Variants in KIF21A observed in about 807,000 individuals in gnomAD.
KIF21A encodes kinesin-like protein KIF21A.
KIF21A carries 114 observed loss-of-function variants against 202.9 expected under a neutral mutation model. The observed-to-expected ratio is 0.56, with a 90% CI of 0.48 to 0.66. The LOEUF (loss-of-function observed/expected upper bound fraction) is 0.66. Among genes scored for constraint, KIF21A ranks in the 30% least tolerant of loss-of-function variants. The pLI, the probability that KIF21A is intolerant of heterozygous loss-of-function variation, is 0.00. For missense variants in KIF21A, 1,677 were observed against 1,994.9 expected, an observed-to-expected ratio of 0.84 and a Z score of 3.04; for synonymous variants, 667 against 670.8, an observed-to-expected ratio of 0.99 and a Z score of 0.09.
chr12:39,325,216 T>G (rs1324630438), intron 26 of KIF21A, among the ~76,000 whole-genome samples: 11 of 152,126 alleles, frequency 7.2e-5, no homozygotes, highest in Admixed American at 7.2e-4. Context: ...TGAGATTGTA[T>G]GCCACTACAG....
chr12:39,331,879 G>T (rs1946538533), intron 21 of KIF21A, 88 bp from the exon 22 acceptor site: 1 of 1,006,356 alleles, frequency 9.9e-7, no homozygotes, highest in East Asian at 2.4e-5. Flanking sequence ...TTATTTCCTA[G>T]TATTGGGTTA....
At chr12:39,418,197 A>G (rs1953940615) in intron 1 of KIF21A, among the ~76,000 whole-genome samples, 1 of 152,080 alleles carries the variant, frequency 6.6e-6, no homozygotes, top group Non-Finnish European at 1.5e-5. Flanking sequence ...CTGACTAAAA[A>G]AAAAAAAAAA....
At position 39,293,839 on chromosome 12, in the gene KIF21A, C is replaced by G. The variant is rs1942054079; in HGVS notation, c.*585G>C. On this transcript the variant is annotated 3_prime_UTR_variant, in exon 38 of 38. Transcript: ENST00000361418. ...AATGCCAACATTTAACACAAACTGT[C>G]TACCCTTCTCTGTTAGTAGATTAAG... The G allele has an allele frequency of 6.5e-6, 1 of 153,982 alleles. No homozygotes were observed. Among genetic ancestry groups the G allele is most frequent in the African/African-American group, 2.4e-5 (1 of 41,424 alleles). The allele number at this position is 153,982 out of a possible 1,614,324, so 9.5% of individuals were successfully genotyped here. A position where few individuals can be genotyped will look rare whatever the true frequency, so the allele number is the denominator to read the frequency against.
intron 1 of KIF21A, among the ~76,000 whole-genome samples, chr12:39,428,938 C>G (rs1592712557): frequency 1.5e-5 from 2 of 136,922 alleles, no homozygotes; most frequent in African/African-American, 2.8e-5. Context: ...AGCCTGGTGA[C>G]AGAGAGAGAC....
At chr12:39,441,948 A>T (rs911973253) in intron 1 of KIF21A, among the ~76,000 whole-genome samples, 1 of 152,154 alleles carries the variant, frequency 6.6e-6, no homozygotes, top group Non-Finnish European at 1.5e-5. Flanking sequence ...GAGCTGTGAA[A>T]GCCACGCACT....
intron 29 of KIF21A, among the ~76,000 whole-genome samples, chr12:39,317,180 A>G (rs1944645752): frequency 6.6e-6 from 1 of 152,214 alleles, no homozygotes. Flanking sequence ...AAATAAAAGA[A>G]TTATCCATAA....
intron 16 of KIF21A, among the ~76,000 whole-genome samples, chr12:39,338,737 A>G (rs1947191824): frequency 6.6e-6 from 1 of 152,218 alleles, no homozygotes; most frequent in Admixed American, 6.5e-5. Context: ...TGTTTATGCT[A>G]TACAGTAGTC....
intron 21 of KIF21A, 70 bp from the exon 22 acceptor site, chr12:39,331,861 T>G: frequency 8.7e-7 from 1 of 1,152,936 alleles, no homozygotes; most frequent in Non-Finnish European, 1.3e-6. Context: ...GCCTATTGTT[T>G]CACATATTTA....
At chr12:39,381,571 ACTC>A (rs1249038435) in intron 1 of KIF21A, among the ~76,000 whole-genome samples, 1 of 152,142 alleles carries the variant, frequency 6.6e-6, no homozygotes, top group South Asian at 2.1e-4. Flanking sequence ...AGGAAAAAAA[ACTC>A]CTACCACAAA....
At chr12:39,414,262 C>G (rs961172567) in intron 1 of KIF21A, among the ~76,000 whole-genome samples, 8 of 152,144 alleles carry the variant, frequency 5.3e-5, no homozygotes, top group African/African-American at 9.7e-5. Flanking sequence ...ACTCTCTCCT[C>G]CCTCACAATT....
chr12:39,376,874 T>C lies in KIF21A; in HGVS notation c.45-6613A>G, dbSNP rs57847806. Reference sequence around the variant, plus strand: ...TCTTTTGCTCATTTATTGGTCAAGTTATTTCTCCCTACAGATAGAAGAGGA... The same window carrying C: ...TCTTTTGCTCATTTATTGGTCAAGTCATTTCTCCCTACAGATAGAAGAGGA... On this transcript the variant is annotated intron_variant, in intron 1 of 37. Transcript: ENST00000361418. Among the ~76,000 whole-genome samples, 591 of 152,318 alleles carry C rather than the reference T, an allele frequency of 3.9e-3. 3 individuals are homozygous for C. Among genetic ancestry groups the C allele is most frequent in the African/African-American group, 0.013 (561 of 41,582 alleles).
intron 37 of KIF21A, among the ~76,000 whole-genome samples, chr12:39,296,025 TAAAAAA>T (rs34017775): frequency 1.2e-5 from 1 of 86,774 alleles, no homozygotes; most frequent in Non-Finnish European, 2.1e-5. Flanking sequence ...GTTTGTTTGT[TAAAAAA>T]AAAAAAAAAA....
intron 6 of KIF21A, among the ~76,000 whole-genome samples, chr12:39,364,608 T>TG: frequency 6.6e-6 from 1 of 152,148 alleles, no homozygotes; most frequent in Middle Eastern, 3.4e-3. Context: ...GAGTAAATAT[T>TG]GGGGGGTGAT....
intron 35 of KIF21A, among the ~76,000 whole-genome samples, chr12:39,304,070 C>T (rs1429094656): frequency 6.6e-6 from 1 of 152,178 alleles, no homozygotes; most frequent in African/African-American, 2.4e-5. Flanking sequence ...TCCCTCTCCA[C>T]TAAGCCCAGC....
At chr12:39,386,774 G>C (rs890865727) in intron 1 of KIF21A, among the ~76,000 whole-genome samples, 3 of 152,148 alleles carry the variant, frequency 2.0e-5, no homozygotes, top group African/African-American at 7.2e-5. Flanking sequence ...CATACAGCTT[G>C]AAATCTAAGT....
chr12:39,300,495 G>T (rs1030501727), intron 37 of KIF21A, among the ~76,000 whole-genome samples: 1 of 151,936 alleles, frequency 6.6e-6, no homozygotes, highest in African/African-American at 2.4e-5. Flanking sequence ...TAAAGTAAAG[G>T]CTTCAAAATA....
chr12:39,441,058 A>G (rs990666992), intron 1 of KIF21A, among the ~76,000 whole-genome samples: 2 of 152,106 alleles, frequency 1.3e-5, no homozygotes, highest in Non-Finnish European at 2.9e-5. Flanking sequence ...AAGAGAAAGG[A>G]AAGAAGGAAG....
At chr12:39,329,348 T>A (rs542500270) in intron 24 of KIF21A, among the ~76,000 whole-genome samples, 1 of 152,300 alleles carries the variant, frequency 6.6e-6, no homozygotes, top group African/African-American at 2.4e-5. Context: ...AATTTAATAT[T>A]CTTCTGCACA....
At chr12:39,337,852 G>C (rs181697512) in intron 16 of KIF21A, among the ~76,000 whole-genome samples, 1 of 152,094 alleles carries the variant, frequency 6.6e-6, no homozygotes, top group East Asian at 1.9e-4. Flanking sequence ...CACTACACCC[G>C]TTTGCAGTAG....
Sources: allele counts gnomAD v4.1 joint callset (sites outside exome capture counted in the v4.1 genomes callset), GRCh38; gene constraint gnomAD v4.1.1; transcripts MANE v1.5; gene names NCBI Gene and HGNC (gene_info 2026-07-23, HGNC 2026-07-21).